Variants in SLF2 observed in about 807,000 individuals in gnomAD.
SLF2 encodes SMC5-SMC6 complex localization factor protein 2.
SLF2 carries 68 observed loss-of-function variants against 124.3 expected under a neutral mutation model. That is an observed-to-expected ratio of 0.55 (90% CI 0.45 to 0.67). The LOEUF is 0.67. SLF2 is among the 30% of genes least tolerant of loss of function. The pLI, the probability that SLF2 is intolerant of heterozygous loss-of-function variation, is 0.00. For synonymous variants in SLF2, 480 were observed against 478.8 expected (o/e 1.00, Z -0.03); for missense variants, 1,246 against 1,373.7 (o/e 0.91, Z 1.47).
intron 8 of SLF2, 78 bp downstream of exon 8, chr10:100,930,075 TA>T: frequency 1.1e-6 from 1 of 916,374 alleles, no homozygotes; most frequent in Middle Eastern, 3.7e-4. Flanking sequence ...CGTAATCTTC[TA>T]AAAGGTTAAT....
chr10:100,926,173 G>A (rs752246118), intron 6 of SLF2, 154 bp downstream of exon 6: 3 of 1,552,612 alleles, frequency 1.9e-6, no homozygotes, highest in South Asian at 1.2e-5. Context: ...TTGGCCGGAC[G>A]CAGTGGCTCA....
chr10:100,935,996 C>A (rs916696029), intron 9 of SLF2, among the ~76,000 whole-genome samples: 5 of 150,806 alleles, frequency 3.3e-5, no homozygotes, highest in Non-Finnish European at 5.9e-5. Flanking sequence ...GTAGCTGGGA[C>A]TATAGGCATG....
At chr10:100,959,930 C>T (rs1341232280) in intron 19 of SLF2, among the ~76,000 whole-genome samples, 2 of 152,190 alleles carry the variant, frequency 1.3e-5, no homozygotes, top group African/African-American at 4.8e-5. Flanking sequence ...CATTCATTCC[C>T]CTTTCCTCTA....
At chr10:100,913,629 T>C (rs1392967244) in intron 1 of SLF2, 12 of 1,072,994 alleles carry the variant, frequency 1.1e-5, no homozygotes, top group Non-Finnish European at 1.2e-5. Context: ...AATATAAACC[T>C]TTTCTATGTT....
chr10:100,941,823 G>T (rs1421441574), intron 11 of SLF2, among the ~76,000 whole-genome samples: 1 of 152,080 alleles, frequency 6.6e-6, no homozygotes, highest in Non-Finnish European at 1.5e-5. Context: ...CATTTTACAA[G>T]TAAGGTCAGC....
Position 100,945,516 on chromosome 10 carries a change from C to T in SLF2, c.2934+10C>T. Reference sequence around the variant, plus strand: ...AGATTGGAACACAAAGGTAATGTTACTTAAAACTTCATTATTCATTTTTTA... The same window carrying T: ...AGATTGGAACACAAAGGTAATGTTATTTAAAACTTCATTATTCATTTTTTA... On this transcript the variant is annotated intron_variant, in intron 13 of 19. Transcript: ENST00000238961. 2.0e-6 allele frequency: 3 copies of T among 1,529,104 alleles called. 1 individual carries two copies. Among genetic ancestry groups the T allele is most frequent in the Non-Finnish European group, 2.6e-6 (3 of 1,149,070 alleles). 94.7% of individuals were successfully genotyped at this position (1,529,104 alleles called of 1,614,324 possible).
At chr10:100,952,567 A>G (rs1850239328) in intron 17 of SLF2, among the ~76,000 whole-genome samples, 1 of 151,392 alleles carries the variant, frequency 6.6e-6, no homozygotes, top group South Asian at 2.1e-4. Context: ...AAAAGAAAAA[A>G]ATACATAGTA....
chr10:100,940,980 A>T (rs750183589), intron 11 of SLF2, among the ~76,000 whole-genome samples: 3 of 150,662 alleles, frequency 2.0e-5, no homozygotes, highest in Non-Finnish European at 4.4e-5. Context: ...GGGATTACAG[A>T]CACACGCCAC....
chr10:100,957,243 A>G (rs1438490555), intron 18 of SLF2, among the ~76,000 whole-genome samples: 1 of 151,698 alleles, frequency 6.6e-6, no homozygotes, highest in Non-Finnish European at 1.5e-5. Flanking sequence ...GATGGTTGAA[A>G]ACTTGTTTTA....
chr10:100,924,632 C>A lies in SLF2; in HGVS notation c.1631C>A (p.Pro544His). ...TCTTCAGGGAAAATTTCTGGGGGAC[C>A]TTTGCGCTCAGAATATGGCACTCCT... is the stretch of plus-strand genomic sequence containing the variant. The part of the protein sequence containing the change: ...NVSSGKISGG[P>H]LRSEYGTPTK... Residue 544 changes from proline to histidine, a missense_variant, in exon 5 of 20, where the codon CCT becomes CAT. This residue lies in a region of SLF2 where 698 missense variants were observed against 708.9 expected (regional missense o/e 0.98). Coordinates refer to ENST00000238961, the MANE Select transcript of SLF2 (RefSeq NM_018121.4). The A allele has an allele frequency of 6.2e-7, 1 of 1,614,042 alleles. No homozygotes were observed. The highest frequency in any genetic ancestry group is 8.5e-7 in the Non-Finnish European group (1 of 1,180,030).
chr10:100,947,149 G>A lies in SLF2; in HGVS notation c.3032+13G>A, dbSNP rs1850120733. 6.8e-7 allele frequency: 1 copy of A among 1,467,842 alleles called. No homozygotes were observed. Among genetic ancestry groups the A allele is most frequent in the Non-Finnish European group, 9.1e-7 (1 of 1,093,880 alleles). The allele number at this position is 1,467,842 out of a possible 1,614,324, so 90.9% of individuals were successfully genotyped here. On this transcript the variant is annotated intron_variant, in intron 14 of 19. Coordinates refer to ENST00000238961, the MANE Select transcript of SLF2 (RefSeq NM_018121.4). ...CATCACGTGGAAGGTATTAAAAAGT[G>A]AAAATTAAACATTAAGAAATTTTAT...
intron 3 of SLF2, among the ~76,000 whole-genome samples, chr10:100,918,105 A>G (rs968595695): frequency 1.3e-5 from 2 of 152,232 alleles, no homozygotes; most frequent in African/African-American, 4.8e-5. Flanking sequence ...GTGTTCTAAT[A>G]TAATATTCTT....
In SLF2 at chr10:100,947,069, C is replaced by G. The variant is rs1850119030; in HGVS notation, c.2965C>G (p.Leu989Val). ...TGAACTCTGTCTGGGCATAAATGAA[C>G]TCTCCAGTCATCCCCACAACCTCCT... ...VPELCLGINE[L>V]SSHPHNLLWL... Residue 989 changes from leucine to valine, a missense_variant, in exon 14 of 20, where the codon CTC becomes GTC. Transcript: ENST00000238961. The G allele has an allele frequency of 2.5e-6, 4 of 1,613,186 alleles. No individual in the cohort carries two copies. The highest frequency in any genetic ancestry group is 2.5e-6 in the Non-Finnish European group (3 of 1,179,650).
In SLF2 at chr10:100,924,662, A is replaced by AT. The variant is rs866975455; in HGVS notation, c.1661_1662insT (p.Lys554AsnfsTer22). ...CGCTCAGAATATGGCACTCCTACAA[A>AT]GTCTCCCCCTGCTGCTTTGGAAGTT... is the stretch of plus-strand genomic sequence containing the variant. On this transcript the variant is annotated frameshift_variant, in exon 5 of 20. Coordinates refer to ENST00000238961, the MANE Select transcript of SLF2 (RefSeq NM_018121.4). LOFTEE classifies it high-confidence loss of function. The AT allele has an allele frequency of 6.2e-7, 1 of 1,614,102 alleles. No individual in the cohort carries two copies. Among genetic ancestry groups the AT allele is most frequent in the Non-Finnish European group, 8.5e-7 (1 of 1,180,024 alleles).
chr10:100,926,161 T>C (rs1441548017), intron 6 of SLF2, 142 bp downstream of exon 6: 39 of 1,557,208 alleles, frequency 2.5e-5, no homozygotes, highest in Non-Finnish European at 3.2e-5. Flanking sequence ...GAATAAGATA[T>C]GTTGGCCGGA....
At chr10:100,913,453 C>T (rs1849359800) in intron 1 of SLF2, 2 of 1,321,058 alleles carry the variant, frequency 1.5e-6, no homozygotes, top group African/African-American at 1.5e-5. Context: ...GGCAGCTGCT[C>T]TTGGTCTAGT....
chr10:100,936,578 G>A (rs1025314203), intron 9 of SLF2, among the ~76,000 whole-genome samples: 5 of 151,678 alleles, frequency 3.3e-5, no homozygotes, highest in Non-Finnish European at 5.9e-5. Flanking sequence ...CTCGTGATCC[G>A]CCTGCCTCGG....
chr10:100,934,071 T>G (rs568122025), intron 9 of SLF2, among the ~76,000 whole-genome samples: 1 of 152,328 alleles, frequency 6.6e-6, no homozygotes, highest in African/African-American at 2.4e-5. Flanking sequence ...AACTCCCAAG[T>G]CCTAATTTCT....
At chr10:100,928,662 G>A (rs1437892973) in intron 6 of SLF2, among the ~76,000 whole-genome samples, 1 of 152,102 alleles carries the variant, frequency 6.6e-6, no homozygotes, top group African/African-American at 2.4e-5. Flanking sequence ...AGACTCTCTC[G>A]CTATGAATCC....
Sources: gnomAD v4.1 joint callset for allele counts (sites outside exome capture counted in the v4.1 genomes callset) on GRCh38, gnomAD v4.1.1 for gene constraint, gnomAD v4.1.1 regional missense constraint, MANE v1.5 for transcripts, NCBI Gene and HGNC (gene_info 2026-07-23, HGNC 2026-07-21) for gene names.